Variants in AFF3 observed in about 807,000 individuals in gnomAD.
AFF3 encodes ALF transcription elongation factor 3.
AFF3 carries 32 observed loss-of-function variants against 129.7 expected under a neutral mutation model. The observed-to-expected ratio is 0.25, with a 90% CI of 0.19 to 0.33. The LOEUF is 0.33. Among genes scored for constraint, AFF3 ranks in the 10% least tolerant of loss-of-function variants. The probability of loss-of-function intolerance (pLI) is 1.00; values close to 1 mark genes in which losing one functional copy is unlikely to be tolerated. For synonymous variants in AFF3, 644 were observed against 635.4 expected (o/e 1.01, Z -0.20); for missense variants, 1,373 against 1,592.0 (o/e 0.86, Z 2.34).
At chr2:99,557,546 G>A (rs1277821037) in intron 22 of AFF3, among the ~76,000 whole-genome samples, 2 of 152,184 alleles carry the variant, frequency 1.3e-5, no homozygotes, top group Admixed American at 1.3e-4. Flanking sequence ...ACAGAATTCA[G>A]CTTCCTTCTT....
At chr2:99,654,726 T>C (rs1685591965) in intron 12 of AFF3, among the ~76,000 whole-genome samples, 1 of 152,204 alleles carries the variant, frequency 6.6e-6, no homozygotes, top group South Asian at 2.1e-4. Flanking sequence ...TACGAATGAT[T>C]CTAAACTCCA....
At chr2:99,710,826 T>C (rs2104865538) in intron 11 of AFF3, among the ~76,000 whole-genome samples, 1 of 152,286 alleles carries the variant, frequency 6.6e-6, no homozygotes, top group East Asian at 1.9e-4. Context: ...TTTTACATGC[T>C]TTGGCAGGAT....
At chr2:100,072,450 C>T (rs1332632771) in intron 4 of AFF3, among the ~76,000 whole-genome samples, 1 of 152,156 alleles carries the variant, frequency 6.6e-6, no homozygotes, top group Non-Finnish European at 1.5e-5. Flanking sequence ...TTGGGGATTA[C>T]TGCTTTAAAT....
chr2:99,926,513 C>T (rs999824657), intron 7 of AFF3, among the ~76,000 whole-genome samples: 7 of 152,204 alleles, frequency 4.6e-5, no homozygotes, highest in Non-Finnish European at 1.0e-4. Context: ...ATACACATTA[C>T]ACATACATAC....
intron 8 of AFF3, among the ~76,000 whole-genome samples, chr2:99,826,524 G>T (rs1688091872): frequency 6.6e-6 from 1 of 152,200 alleles, no homozygotes; most frequent in African/African-American, 2.4e-5. Flanking sequence ...GACATCTCTA[G>T]TGAGGCTTGG....
Position 99,547,858 on chromosome 2 carries a change from TATGAGG to T in AFF3, c.*3610_*3615del, listed in dbSNP as rs1257180547. 4.7e-6 allele frequency: 1 copy of T among 213,076 alleles called. No homozygotes were observed. Among genetic ancestry groups the T allele is most frequent in the Admixed American group, 5.9e-5 (1 of 17,080 alleles). The allele number at this position is 213,076 out of a possible 1,614,324, so 13.2% of individuals were successfully genotyped here. On this transcript the variant is annotated 3_prime_UTR_variant, in exon 25 of 25. Transcript: ENST00000672756. Reference sequence around the variant, plus strand: ...ATAATACACACATCATTGTTGTACATATGAGGATAAGTTTTAGTGCAGAAAGTCTCA... The same window carrying T: ...ATAATACACACATCATTGTTGTACATATAAGTTTTAGTGCAGAAAGTCTCA...
chr2:100,067,557 A>G (rs369793575), intron 4 of AFF3, among the ~76,000 whole-genome samples: 2 of 152,254 alleles, frequency 1.3e-5, no homozygotes, highest in South Asian at 2.1e-4. Flanking sequence ...TTTAGCTAAA[A>G]GCATGCTTGA....
rs1314064858 is a variant in AFF3 at position 99,593,058 on chromosome 2, G to A, written c.2466+137C>T. On this transcript the variant is annotated intron_variant, in intron 15 of 24. Transcript: ENST00000672756. ...GAAAGTACCCTAGAAGTGTGTGTTA[G>A]GTAAGGACACACAAAACTCCTGCGG... 5 of 917,308 alleles carry A rather than the reference G, an allele frequency of 5.5e-6. No individual in the cohort carries two copies. The East Asian group carries it at 1.3e-4, about 24-fold the overall frequency. 56.8% of individuals were successfully genotyped at this position (917,308 alleles called of 1,614,324 possible).
chr2:99,918,997 A>G (rs2106237348), intron 7 of AFF3, among the ~76,000 whole-genome samples: 1 of 152,198 alleles, frequency 6.6e-6, no homozygotes, highest in East Asian at 1.9e-4. Context: ...TCCTTTAAAA[A>G]GCAGGAGTTA....
chr2:99,907,270 T>G (rs577371209), intron 7 of AFF3, among the ~76,000 whole-genome samples: 2 of 152,322 alleles, frequency 1.3e-5, no homozygotes, highest in African/African-American at 2.4e-5. Context: ...GTAAAACCTG[T>G]AAGTTGCCTA....
At chr2:100,049,952 G>A (rs561602143) in intron 4 of AFF3, among the ~76,000 whole-genome samples, 5 of 152,208 alleles carry the variant, frequency 3.3e-5, no homozygotes, top group South Asian at 2.1e-4. Context: ...AGTGGCTCAC[G>A]CCTGTAATCC....
chr2:99,562,931 G>A (rs550765770), intron 20 of AFF3, among the ~76,000 whole-genome samples: 31 of 152,226 alleles, frequency 2.0e-4, no homozygotes, highest in South Asian at 4.2e-4. Flanking sequence ...TACTGCCTGC[G>A]GAGAGTGGAA....
At chr2:99,789,516 CCCTAGAAAT>C (rs1558852796) in intron 8 of AFF3, among the ~76,000 whole-genome samples, 1 of 150,252 alleles carries the variant, frequency 6.7e-6, no homozygotes, top group East Asian at 2.0e-4. Flanking sequence ...TTTCCAGACA[CCCTAGAAAT>C]CATGAAAATG....
At chr2:99,569,026 T>C in intron 18 of AFF3, 111 bp from the exon 19 acceptor site, 7 of 1,041,028 alleles carry the variant, frequency 6.7e-6, no homozygotes, top group Non-Finnish European at 1.0e-5. Flanking sequence ...CTCTGCTTAA[T>C]GCGGAATTAA....
intron 4 of AFF3, among the ~76,000 whole-genome samples, chr2:100,025,374 A>G (rs1053382118): frequency 6.6e-6 from 1 of 152,198 alleles, no homozygotes; most frequent in African/African-American, 2.4e-5. Flanking sequence ...GGAAAACTAC[A>G]AAACACTGCT....
intron 7 of AFF3, among the ~76,000 whole-genome samples, chr2:99,993,951 G>A (rs1275910932): frequency 8.6e-5 from 13 of 150,786 alleles, no homozygotes; most frequent in Admixed American, 7.3e-4. Context: ...GATTACAGGC[G>A]CCCACCACCA....
chr2:100,028,756 T>C (rs1684248682), intron 4 of AFF3, among the ~76,000 whole-genome samples: 1 of 152,104 alleles, frequency 6.6e-6, no homozygotes, highest in Non-Finnish European at 1.5e-5. Context: ...AAACAGAAAA[T>C]AACAAGCATT....
At chr2:99,581,126 T>C (rs1418953687) in intron 17 of AFF3, among the ~76,000 whole-genome samples, 2 of 152,230 alleles carry the variant, frequency 1.3e-5, no homozygotes, top group Non-Finnish European at 2.9e-5. Flanking sequence ...GCATCTCTGG[T>C]GCTCAGCACA....
At chr2:99,778,768 AT>A (rs1025499976) in intron 8 of AFF3, among the ~76,000 whole-genome samples, 1 of 151,884 alleles carries the variant, frequency 6.6e-6, no homozygotes, top group African/African-American at 2.4e-5. Flanking sequence ...CCTTAATTTC[AT>A]TTTTTTGATT....
Sources: allele counts gnomAD v4.1 joint callset (sites outside exome capture counted in the v4.1 genomes callset), GRCh38; gene constraint gnomAD v4.1.1; transcripts MANE v1.5; gene names NCBI Gene and HGNC (gene_info 2026-07-23, HGNC 2026-07-21).